MYBL2: variants seen among roughly 807,000 people sequenced by gnomAD.
MYBL2 encodes MYB proto-oncogene like 2.
MYBL2 carries 28 observed loss-of-function variants against 79.9 expected under a neutral mutation model. The observed-to-expected ratio is 0.35, with a 90% CI of 0.26 to 0.48. The LOEUF (loss-of-function observed/expected upper bound fraction) is 0.48, where lower values mean the gene tolerates loss of function less well. Ranked by LOEUF, MYBL2 falls within the 20% of genes least tolerant of loss-of-function variation. The pLI, the probability that MYBL2 is intolerant of heterozygous loss-of-function variation, is 0.99. For synonymous variants in MYBL2, 378 were observed against 361.2 expected, an observed-to-expected ratio of 1.05 and a Z score of -0.53; for missense variants, 735 against 893.9, an observed-to-expected ratio of 0.82 and a Z score of 2.27.
At chr20:43,681,426 A>T (rs1177005929) in intron 2 of MYBL2, among the ~76,000 whole-genome samples, 1 of 152,174 alleles carries the variant, frequency 6.6e-6, no homozygotes, top group Non-Finnish European at 1.5e-5. Context: ...GTTCCCTCCA[A>T]AATCATCTTG....
In MYBL2 at chr20:43,667,201, A is replaced by G; in HGVS notation, c.-83A>G. 9.9e-7 allele frequency: 1 copy of G among 1,010,332 alleles called. No homozygotes were observed. The highest frequency in any genetic ancestry group is 1.2e-6 in the Non-Finnish European group (1 of 805,342). 62.6% of individuals were successfully genotyped at this position (1,010,332 alleles called of 1,614,324 possible). ...GCCCGGGGCCCGGAGCGGCCGGAGC[A>G]GCCCGGGTCCTGACCCCGGCCCGGC... On this transcript the variant is annotated 5_prime_UTR_variant, in exon 1 of 14. Coordinates refer to ENST00000217026, the MANE Select transcript of MYBL2 (RefSeq NM_002466.4).
At chr20:43,683,605 G>C (rs113711351) in intron 4 of MYBL2, among the ~76,000 whole-genome samples, 23 of 147,460 alleles carry the variant, frequency 1.6e-4, no homozygotes, top group Non-Finnish European at 2.7e-4. Context: ...TCAGGTTAGA[G>C]TGCAGTGGCG....
chr20:43,687,515 A>G (rs1391036062), intron 5 of MYBL2, among the ~76,000 whole-genome samples: 1 of 152,188 alleles, frequency 6.6e-6, no homozygotes, highest in Non-Finnish European at 1.5e-5. Context: ...TTTTTCTTAA[A>G]AGGTTTAATA....
rs745353517 is a variant in MYBL2, at chr20:43,715,229, C to T, written c.1920C>T (p.Pro640=). The T allele has an allele frequency of 7.4e-6, 12 of 1,614,112 alleles. No individual in the cohort carries two copies. The highest frequency in any genetic ancestry group is 1.7e-5 in the Admixed American group (1 of 60,010). ...LLNQGFLQAK[P]EKAAVAQKPR... ...ACCAGGGCTTCTTGCAGGCCAAGCCCGAGAAGGCAGCAGTGGCCCAGAAGC... is the reference window on the plus strand; with the variant it reads ...ACCAGGGCTTCTTGCAGGCCAAGCCTGAGAAGGCAGCAGTGGCCCAGAAGC... Residue 640 remains proline (P), a synonymous_variant, in exon 13 of 14, where the codon CCC becomes CCT. Transcript: ENST00000217026.
At chr20:43,706,269 A>T (rs185688214) in intron 9 of MYBL2, among the ~76,000 whole-genome samples, 2 of 152,186 alleles carry the variant, frequency 1.3e-5, no homozygotes, top group Non-Finnish European at 2.9e-5. Context: ...CCATCCCTCT[A>T]TCAAGAGTGG....
chr20:43,705,665 TA>T (rs1018566158), intron 9 of MYBL2, among the ~76,000 whole-genome samples: 2 of 149,846 alleles, frequency 1.3e-5, no homozygotes, highest in Non-Finnish European at 3.0e-5. Context: ...CTCAGCTAAT[TA>T]AAAAAATATT....
chr20:43,691,333 T>C (rs1987402026), intron 5 of MYBL2, among the ~76,000 whole-genome samples: 1 of 152,142 alleles, frequency 6.6e-6, no homozygotes, highest in Admixed American at 6.5e-5. Flanking sequence ...CATTTTTATT[T>C]ATTTTTGAGA....
Position 43,716,317 on chromosome 20 carries a change from G to A in MYBL2, c.*230G>A, listed in dbSNP as rs1352770624. 1.7e-6 allele frequency: 1 copy of A among 595,350 alleles called. No homozygotes were observed. The highest frequency in any genetic ancestry group is 1.9e-5 in the African/African-American group (1 of 51,986). The allele number at this position is 595,350 out of a possible 1,614,324, so 36.9% of individuals were successfully genotyped here. On this transcript the variant is annotated 3_prime_UTR_variant, in exon 14 of 14. Transcript: ENST00000217026. Reference sequence around the variant, plus strand: ...CAAAGTTCCACTTCCAGGTCTGCCTGGTTCCCTCCCCAAGGCCACAGGGAG... The same window carrying A: ...CAAAGTTCCACTTCCAGGTCTGCCTAGTTCCCTCCCCAAGGCCACAGGGAG...
chr20:43,688,038 C>T (rs1030978989), intron 5 of MYBL2, among the ~76,000 whole-genome samples: 1 of 151,008 alleles, frequency 6.6e-6, no homozygotes, highest in Admixed American at 6.6e-5. Context: ...TTTTTTTTTC[C>T]CCTAAATACT....
rs529735677 is a variant in MYBL2 at position 43,692,139 on chromosome 20, C to T, written c.501-18C>T. Reference sequence around the variant, plus strand: ...CCCACAGAGCTGGGGTTCAAAGGCCCCCTGCTGCCCCCTGCAGGACAGACA... The same window carrying T: ...CCCACAGAGCTGGGGTTCAAAGGCCTCCTGCTGCCCCCTGCAGGACAGACA... On this transcript the variant is annotated intron_variant, in intron 5 of 13. Coordinates refer to ENST00000217026, the MANE Select transcript of MYBL2 (RefSeq NM_002466.4). The T allele has an allele frequency of 3.8e-5, 61 of 1,610,848 alleles. No individual in the cohort carries two copies. In the South Asian group the frequency reaches 6.3e-4, roughly 17 times the overall value.
intron 6 of MYBL2, among the ~76,000 whole-genome samples, chr20:43,696,484 A>G (rs6073177): frequency 0.089 from 621 of 6,988 alleles, 3 homozygotes; most frequent in East Asian, 0.11. Flanking sequence ...GCCTCCCAAA[A>G]TACTGGGATT....
intron 8 of MYBL2, among the ~76,000 whole-genome samples, chr20:43,704,435 G>T (rs575594858): frequency 6.6e-6 from 1 of 152,180 alleles, no homozygotes; most frequent in African/African-American, 2.4e-5. Context: ...GTAACATGCC[G>T]CAAGTGAGGG....
rs563866063 is a variant in MYBL2 at position 43,689,478 on chromosome 20, C to T, written c.500+2406C>T. ...GCTGCTTTGCCTCCTTTCAGTCCCT[C>T]GAACCCTGAGCTCTTCTCAGAGCTC... On this transcript the variant is annotated intron_variant, in intron 5 of 13. Transcript: ENST00000217026. Among the ~76,000 whole-genome samples, 14 of 152,290 alleles carry T rather than the reference C, an allele frequency of 9.2e-5. No homozygotes were observed. The East Asian group carries it at 1.7e-3, about 19-fold the overall frequency.
At chr20:43,708,943 AGATGGGG>A (rs2145733463) in intron 9 of MYBL2, among the ~76,000 whole-genome samples, 1 of 152,362 alleles carries the variant, frequency 6.6e-6, no homozygotes, top group South Asian at 2.1e-4. Context: ...TGTGTGTCCC[AGATGGGG>A]GATAACAAGG....
Position 43,673,854 on chromosome 20 carries a change from G to A in MYBL2, c.69G>A (p.Pro23=), listed in dbSNP as rs758778543. 50 of 1,556,902 alleles carry A rather than the reference G, an allele frequency of 3.2e-5. No homozygotes were observed. Among genetic ancestry groups the A allele is most frequent in the South Asian group, 5.9e-5 (5 of 84,526 alleles). The change falls in exon 2 of 14, where the codon CCG becomes CCA. Residue 23 remains proline, a synonymous_variant. Coordinates refer to ENST00000217026, the MANE Select transcript of MYBL2 (RefSeq NM_002466.4). ...ACCAGGACACAGATTCAGATGTGCC[G>A]GAGCAGAGGGATAGCAAGTGCAAGG... ...LHYQDTDSDV[P]EQRDSKCKVK... is the part of the protein sequence containing the mutation.
At position 43,705,358 on chromosome 20, in the gene MYBL2, C is replaced by T. The variant is rs191833186; in HGVS notation, c.1505C>T (p.Ala502Val). The T allele has an allele frequency of 1.9e-5, 30 of 1,609,912 alleles. No individual in the cohort carries two copies. The highest frequency in any genetic ancestry group is 4.5e-5 in the East Asian group (2 of 44,690). Residue 502 changes from alanine (A) to valine (V), a missense_variant and splice_region_variant, in exon 9 of 14, where the codon GCG becomes GTG. Coordinates refer to ENST00000217026, the MANE Select transcript of MYBL2 (RefSeq NM_002466.4). Reference sequence around the variant, plus strand: ...ACACCCCTGCACCAGAAACATGCTGCGTGAGTGCTGCAGTGCCCCCAACCT... The same window carrying T: ...ACACCCCTGCACCAGAAACATGCTGTGTGAGTGCTGCAGTGCCCCCAACCT... ...DKTPLHQKHA[A>V]FVTPDQKYSM...
Position 43,671,129 on chromosome 20 carries a change from C to T in MYBL2, c.21-2677C>T, listed in dbSNP as rs182509326. On this transcript the variant is annotated intron_variant, in intron 1 of 13. Transcript: ENST00000217026. ...GACTACAGGTACATGCCACCATGCCCAGCTAATTTTTGTGGGTTTTTATTT... is the reference window on the plus strand; with the variant it reads ...GACTACAGGTACATGCCACCATGCCTAGCTAATTTTTGTGGGTTTTTATTT... Among the ~76,000 whole-genome samples, 18 of 151,954 alleles carry T rather than the reference C, an allele frequency of 1.2e-4. No individual in the cohort carries two copies. The East Asian group carries it at 2.9e-3, about 25-fold the overall frequency.
intron 2 of MYBL2, among the ~76,000 whole-genome samples, chr20:43,677,306 T>TA (rs1987035969): frequency 6.6e-6 from 1 of 152,188 alleles, no homozygotes; most frequent in Non-Finnish European, 1.5e-5. Flanking sequence ...GTAGGATCAG[T>TA]GTCTGTTGGT....
At chr20:43,709,881 G>C (rs1463277317) in intron 9 of MYBL2, 82 bp from the exon 10 acceptor site, 1 of 1,171,870 alleles carries the variant, frequency 8.5e-7, no homozygotes, top group Non-Finnish European at 1.2e-6. Context: ...GGTCGCACTG[G>C]GGGAAGGTGG....
Sources: gnomAD v4.1 joint callset for allele counts (sites outside exome capture counted in the v4.1 genomes callset) on GRCh38, gnomAD v4.1.1 for gene constraint, MANE v1.5 for transcripts, NCBI Gene and HGNC (gene_info 2026-07-23, HGNC 2026-07-21) for gene names.